Variants in NUP210 observed in about 807,000 individuals in gnomAD.
The protein encoded by NUP210 is nucleoporin 210, also known as nuclear pore membrane glycoprotein 210.
In NUP210, 151 loss-of-function variants were observed where a neutral mutation model predicts 196.0. That is an observed-to-expected ratio of 0.77 (90% CI 0.67 to 0.88). The LOEUF is 0.88. Among genes scored for constraint, NUP210 ranks in the 40% least tolerant of loss-of-function variants. The probability of loss-of-function intolerance (pLI) is 0.00; values close to 1 mark genes in which losing one functional copy is unlikely to be tolerated. For synonymous variants in NUP210, 1,070 were observed against 1,052.7 expected (o/e 1.02, Z -0.32); for missense variants, 2,314 against 2,493.7 (o/e 0.93, Z 1.53).
chr3:13,364,078 T>C (rs772288900), intron 14 of NUP210, among the ~76,000 whole-genome samples: 17 of 152,180 alleles, frequency 1.1e-4, no homozygotes, highest in Non-Finnish European at 2.1e-4. Flanking sequence ...GGGGCAGGTC[T>C]TGATCTCCTC....
rs1379863377 is a variant in NUP210 at position 13,316,316 on chromosome 3, T to G, written c.*1365A>C. ...TCCAGGTTGTCAGTTTAAGCTCAAGTAATATGCAAGGCACAATTCTTCCTT... is the reference window on the plus strand; with the variant it reads ...TCCAGGTTGTCAGTTTAAGCTCAAGGAATATGCAAGGCACAATTCTTCCTT... On this transcript the variant is annotated 3_prime_UTR_variant, in exon 40 of 40. Coordinates refer to ENST00000254508, the MANE Select transcript of NUP210 (RefSeq NM_024923.4). The G allele has an allele frequency of 2.6e-5, 4 of 152,242 alleles. No individual in the cohort carries two copies. Among genetic ancestry groups the G allele is most frequent in the African/African-American group, 9.6e-5 (4 of 41,462 alleles). The allele number at this position is 152,242 out of a possible 1,614,324, so 9.4% of individuals were successfully genotyped here. A position where few individuals can be genotyped will look rare whatever the true frequency, so the allele number is the denominator to read the frequency against.
chr3:13,346,393 A>G (rs1232738347), intron 20 of NUP210, among the ~76,000 whole-genome samples: 1 of 152,188 alleles, frequency 6.6e-6, no homozygotes, highest in African/African-American at 2.4e-5. Flanking sequence ...TGATTGACAC[A>G]TGGGAGAATG....
intron 31 of NUP210, among the ~76,000 whole-genome samples, chr3:13,328,085 T>G (rs528513520): frequency 6.6e-6 from 1 of 152,218 alleles, no homozygotes; most frequent in Non-Finnish European, 1.5e-5. Flanking sequence ...CTCTATCAGG[T>G]GCTCCTGCTA....
At chr3:13,400,595 C>T (rs753622514) in intron 1 of NUP210, among the ~76,000 whole-genome samples, 17 of 152,156 alleles carry the variant, frequency 1.1e-4, no homozygotes, top group Non-Finnish European at 1.2e-4. Context: ...GAGAAGGTGA[C>T]GAGAGGCAGA....
At chr3:13,398,444 T>C (rs1349271105) in intron 2 of NUP210, among the ~76,000 whole-genome samples, 2 of 152,040 alleles carry the variant, frequency 1.3e-5, no homozygotes, top group Non-Finnish European at 2.9e-5. Context: ...AAAATAAAAA[T>C]AAAAATATTC....
chr3:13,364,849 A>G (rs556079731), intron 14 of NUP210, among the ~76,000 whole-genome samples: 1 of 152,296 alleles, frequency 6.6e-6, no homozygotes, highest in Admixed American at 6.5e-5. Flanking sequence ...AACAAATAAA[A>G]GAAAAAGAAA....
chr3:13,420,167 G>A lies in NUP210; in HGVS notation c.60C>T (p.Gly20=), dbSNP rs1403663709. 7.8e-7 allele frequency: 1 copy of A among 1,277,716 alleles called. No homozygotes were observed. Among genetic ancestry groups the A allele is most frequent in the Non-Finnish European group, 1.0e-6 (1 of 995,080 alleles). 79.1% of individuals were successfully genotyped at this position (1,277,716 alleles called of 1,614,324 possible). A position where few individuals can be genotyped will look rare whatever the true frequency, so the allele number is the denominator to read the frequency against. ...TGAGCTTGGCCGCAGCGGCGGAGGG[G>A]CCCGCCGCCAACAGCACCGACAGCG... The part of the protein sequence containing the change: ...LLTLSVLLAA[G]PSAAAAKLNI... The change falls in exon 1 of 40, where the codon GGC becomes GGT. Residue 20 remains glycine (G), a synonymous_variant. Transcript: ENST00000254508. This position sits in a 1 kb window ranked among gnomAD's most constrained non-coding sequence, Gnocchi z 4.8.
Position 13,348,573 on chromosome 3 carries a change from T to A in NUP210, c.2835+3306A>T, listed in dbSNP as rs1400652600. The stretch of plus-strand genomic sequence containing the variant: ...AGCAGTCAGAATTAAGATGTAAGAT[T>A]CTCTTCACTCGCATGGCTGGAGGAA... On this transcript the variant is annotated intron_variant, in intron 20 of 39. Transcript: ENST00000254508. This position sits in a 1 kb window ranked among gnomAD's most constrained non-coding sequence, Gnocchi z 4.0. 1.0e-6 allele frequency: 1 copy of A among 985,282 alleles called. No individual in the cohort carries two copies. Among genetic ancestry groups the A allele is most frequent in the Non-Finnish European group, 1.2e-6 (1 of 829,918 alleles). 61.0% of individuals were successfully genotyped at this position (985,282 alleles called of 1,614,324 possible).
Position 13,351,928 on chromosome 3 carries a change from G to C in NUP210, c.2786C>G (p.Thr929Ser). Reference protein sequence around the residue: ...GSGYFFLNTSTADVVKVAYQE... With the variant: ...GSGYFFLNTSSADVVKVAYQE... Reference sequence around the variant, plus strand: ...GTAGGCCACCTTGACAACATCTGCGGTGCTGGTGTTGAGGAAGAAGTAACC... The same window carrying C: ...GTAGGCCACCTTGACAACATCTGCGCTGCTGGTGTTGAGGAAGAAGTAACC... The change falls in exon 20 of 40, where the codon ACC (threonine) becomes AGC (serine). Residue 929 changes from threonine (T) to serine (S), a missense_variant. Physicochemically the swap from Thr to Ser is moderately conservative, Grantham distance 58 (BLOSUM62 1). Coordinates refer to ENST00000254508, the MANE Select transcript of NUP210 (RefSeq NM_024923.4). 1 of 1,613,792 alleles carries C rather than the reference G, an allele frequency of 6.2e-7. No individual in the cohort carries two copies. Among genetic ancestry groups the C allele is most frequent in the Middle Eastern group, 1.7e-4 (1 of 6,060 alleles).
intron 20 of NUP210, among the ~76,000 whole-genome samples, chr3:13,349,453 C>T (rs114154179): frequency 0.011 from 1,649 of 152,312 alleles, 12 homozygotes; most frequent in South Asian, 0.056. Flanking sequence ...GCCTTGGGTG[C>T]GGCACCCGTG....
At chr3:13,372,549 A>G (rs1194846109) in intron 12 of NUP210, among the ~76,000 whole-genome samples, 1 of 152,184 alleles carries the variant, frequency 6.6e-6, no homozygotes, top group Admixed American at 6.5e-5. Context: ...CGACAGCTTG[A>G]GCCAGGGCAG....
intron 6 of NUP210, among the ~76,000 whole-genome samples, chr3:13,382,997 T>C (rs1287660337): frequency 6.6e-6 from 1 of 151,272 alleles, no homozygotes; most frequent in Middle Eastern, 3.2e-3. Context: ...AAAAAAAAAT[T>C]AGCCAGGCAT....
rs1698249770 is a variant in NUP210 at position 13,358,224 on chromosome 3, C to T, written c.2326G>A (p.Val776Met). 1 of 1,604,654 alleles carries T rather than the reference C, an allele frequency of 6.2e-7. No individual in the cohort carries two copies. Residue 776 changes from valine (V) to methionine (M), a missense_variant and splice_region_variant, in exon 16 of 40, where the codon GTG (valine) becomes ATG (methionine). Val to Met is a conservative substitution (Grantham distance 21). Transcript: ENST00000254508. ...SCPLLQQNKQ[V>M]VPVSSHRNPR... is the part of the protein sequence containing the mutation. ...TCCCGAGCATAGCCCACACTCACCA[C>T]CTGCTTGTTCTGCTGCAGCAGCGGA... is the stretch of plus-strand genomic sequence containing the variant.
Position 13,327,380 on chromosome 3 carries a change from T to C in NUP210, c.4344A>G (p.Thr1448=). The change falls in exon 32 of 40, where the codon ACA becomes ACG. Residue 1448 remains threonine, a synonymous_variant. Coordinates refer to ENST00000254508, the MANE Select transcript of NUP210 (RefSeq NM_024923.4). ...GGAGCAGTGTCAGGCCCACGCTGAC[T>C]GTGCGGACAACGCAGGTGTTGTTGG... The part of the protein sequence containing the change: ...GPTNNTCVVR[T]VSVGLTLLRV... 1.9e-6 allele frequency: 3 copies of C among 1,613,536 alleles called. No homozygotes were observed. The highest frequency in any genetic ancestry group is 2.5e-6 in the Non-Finnish European group (3 of 1,180,018).
chr3:13,367,421 G>A (rs923121591), intron 13 of NUP210, among the ~76,000 whole-genome samples: 8 of 152,150 alleles, frequency 5.3e-5, no homozygotes, highest in African/African-American at 1.7e-4. Context: ...GGCAACGAGG[G>A]AGCAAAACTC....
At chr3:13,387,560 T>G (rs926772864) in intron 5 of NUP210, among the ~76,000 whole-genome samples, 3 of 152,198 alleles carry the variant, frequency 2.0e-5, no homozygotes, top group Admixed American at 1.3e-4. Flanking sequence ...AGAGAGTGAA[T>G]CAGAAGAGGA....
At position 13,373,758 on chromosome 3, in the gene NUP210, G is replaced by A. The variant is rs755037889; in HGVS notation, c.1547C>T (p.Ala516Val). The change falls in exon 12 of 40, where the codon GCA becomes GTA. Residue 516 changes from alanine (A) to valine (V), a missense_variant. By Grantham distance (64) the Ala-to-Val change is moderately conservative (BLOSUM62 0). Transcript: ENST00000254508. ...ATGGAGTGGGTTCTGCACATCATGT[G>A]CCTGGATCACACTGAACCCGATGTC... The part of the protein sequence containing the change: ...GSDIGFSVIQ[A>V]HDVQNPLHFG... The A allele has an allele frequency of 2.5e-6, 4 of 1,614,168 alleles. No individual in the cohort carries two copies. The highest frequency in any genetic ancestry group is 1.7e-6 in the Non-Finnish European group (2 of 1,180,018).
chr3:13,373,664 G>T, intron 12 of NUP210, 54 bp downstream of exon 12: 1 of 1,588,314 alleles, frequency 6.3e-7, no homozygotes, highest in Non-Finnish European at 8.6e-7. Context: ...AGAGGGGGCG[G>T]CTGGAGACCA....
chr3:13,341,922 C>G (rs777995513), intron 22 of NUP210, 39 bp from the exon 23 acceptor site: 2 of 1,613,482 alleles, frequency 1.2e-6, no homozygotes, highest in East Asian at 4.5e-5. Flanking sequence ...TCCAAGACCA[C>G]CCCGTGGGAA....
Sources: gnomAD v4.1 joint callset for allele counts (sites outside exome capture counted in the v4.1 genomes callset) on GRCh38, gnomAD v4.1.1 for gene constraint, Gnocchi (gnomAD v3.1) non-coding constraint, MANE v1.5 for transcripts, NCBI Gene and HGNC (gene_info 2026-07-23, HGNC 2026-07-21) for gene names.